FBXL14: variants seen among roughly 807,000 people sequenced by gnomAD.
FBXL14 encodes the protein F-box and leucine rich repeat protein 14.
FBXL14 carries 11 observed loss-of-function variants against 24.5 expected under a neutral mutation model. The ratio of observed to expected loss-of-function variants is 0.45; its 90% CI spans 0.28 to 0.74. The LOEUF (loss-of-function observed/expected upper bound fraction) is 0.74. FBXL14 is among the 30% of genes least tolerant of loss of function. FBXL14 has a pLI of 0.12. For synonymous variants in FBXL14, 294 were observed against 240.4 expected (o/e 1.22, Z -2.06); for missense variants, 384 against 545.6 (o/e 0.70, Z 2.95).
At position 1,594,333 on chromosome 12, in the gene FBXL14, G is replaced by T. The variant is rs1162653216; in HGVS notation, c.-267C>A. Among the ~76,000 whole-genome samples the T allele has an allele frequency of 6.9e-6, 1 of 145,802 alleles. No individual in the cohort carries two copies. Among genetic ancestry groups the T allele is most frequent in the Non-Finnish European group, 1.5e-5 (1 of 65,562 alleles). ...GCTCCGCACGGCGCTCACATCCCGG[G>T]CGGGGAAGGCGCCTCGCTCTCGCTC... On this transcript the variant is annotated 5_prime_UTR_variant, in exon 1 of 2. Transcript: ENST00000339235.
chr12:1,585,809 G>A (rs935790865), intron 1 of FBXL14, among the ~76,000 whole-genome samples: 3 of 152,170 alleles, frequency 2.0e-5, no homozygotes, highest in Admixed American at 6.5e-5. Context: ...AAGCCTTTTT[G>A]CCCTTGAATG....
At chr12:1,584,959 C>G (rs982753189) in intron 1 of FBXL14, among the ~76,000 whole-genome samples, 1 of 152,166 alleles carries the variant, frequency 6.6e-6, no homozygotes, top group Non-Finnish European at 1.5e-5. Flanking sequence ...TTAACTGTTA[C>G]AATTTCTCCC....
At chr12:1,586,028 G>A (rs895148498) in intron 1 of FBXL14, among the ~76,000 whole-genome samples, 17 of 152,210 alleles carry the variant, frequency 1.1e-4, no homozygotes, top group African/African-American at 4.1e-4. Flanking sequence ...ACAGGCAACA[G>A]ATTTGACAGT....
At chr12:1,572,513 T>C (rs2094447066) in intron 1 of FBXL14, among the ~76,000 whole-genome samples, 1 of 152,204 alleles carries the variant, frequency 6.6e-6, no homozygotes, top group African/African-American at 2.4e-5. Context: ...TCTGAGTCCA[T>C]ATGCTAGTAG....
At chr12:1,577,040 A>G (rs1258314923) in intron 1 of FBXL14, among the ~76,000 whole-genome samples, 1 of 152,210 alleles carries the variant, frequency 6.6e-6, no homozygotes, top group Non-Finnish European at 1.5e-5. Flanking sequence ...AAAGCCAGCC[A>G]CAGGCTTTAT....
intron 1 of FBXL14, among the ~76,000 whole-genome samples, chr12:1,580,231 T>C (rs1240429194): frequency 6.6e-6 from 1 of 152,180 alleles, no homozygotes; most frequent in Non-Finnish European, 1.5e-5. Flanking sequence ...AATCTTGCGG[T>C]GTATGGACAC....
Position 1,593,304 on chromosome 12 carries a change from G to A in FBXL14, c.763C>T (p.Leu255=), listed in dbSNP as rs34042069. Reference sequence around the variant, plus strand: ...CAGGAGCGCAGGTTGAGGCTGCGCAGGCTGCCCATGTGCGACAGGTGCAGG... The same window carrying A: ...CAGGAGCGCAGGTTGAGGCTGCGCAAGCTGCCCATGTGCGACAGGTGCAGG... The part of the protein sequence containing the change: ...GLLHLSHMGS[L]RSLNLRSCDN... Residue 255 remains leucine (L), a synonymous_variant, in exon 1 of 2, where the codon CTG becomes TTG. Coordinates refer to ENST00000339235, the MANE Select transcript of FBXL14 (RefSeq NM_152441.3). The surrounding 1 kb of genome is among the most constrained non-coding windows in gnomAD (Gnocchi z 7.4). 7.3e-3 allele frequency: 11,700 copies of A among 1,613,370 alleles called. 55 individuals carry two copies. Among genetic ancestry groups the A allele is most frequent in the Non-Finnish European group, 9.1e-3 (10,738 of 1,180,046 alleles).
At chr12:1,570,773 T>C (rs1347907042) in intron 1 of FBXL14, among the ~76,000 whole-genome samples, 1 of 152,182 alleles carries the variant, frequency 6.6e-6, no homozygotes, top group Admixed American at 6.5e-5. Flanking sequence ...AATGAATCTT[T>C]GATGACGTGA....
chr12:1,577,430 A>T (rs112540406), intron 1 of FBXL14, among the ~76,000 whole-genome samples: 2 of 126,680 alleles, frequency 1.6e-5, no homozygotes, highest in African/African-American at 3.0e-5. Context: ...AAGGATTTAA[A>T]AAAAAAAAAG....
chr12:1,566,469 T>C lies in FBXL14; in HGVS notation c.*279A>G, dbSNP rs1365488534. 3 of 353,708 alleles carry C rather than the reference T, an allele frequency of 8.5e-6. No individual in the cohort carries two copies. The highest frequency in any genetic ancestry group is 1.5e-5 in the Non-Finnish European group (3 of 197,062). 21.9% of individuals were successfully genotyped at this position (353,708 alleles called of 1,614,324 possible). A position where few individuals can be genotyped will look rare whatever the true frequency, so the allele number is the denominator to read the frequency against. ...AAGAAGCTTGCAAATTGCAATTCCA[T>C]CCTAGCAAGTAAAAAGCTGAACAGA... is the stretch of plus-strand genomic sequence containing the variant. On this transcript the variant is annotated 3_prime_UTR_variant, in exon 2 of 2. Coordinates refer to ENST00000339235, the MANE Select transcript of FBXL14 (RefSeq NM_152441.3).
Position 1,593,289 on chromosome 12 carries a change from G to C in FBXL14, c.778C>G (p.Leu260Val). ...TCACTGATGTTGTCACAGGAGCGCA[G>C]GTTGAGGCTGCGCAGGCTGCCCATG... ...SHMGSLRSLNLRSCDNISDTG... is the reference protein window; with the variant it reads ...SHMGSLRSLNVRSCDNISDTG... The change falls in exon 1 of 2, where the codon CTG (leucine) becomes GTG (valine). Residue 260 changes from leucine to valine, a missense_variant. By Grantham distance (32) the Leu-to-Val change is conservative. Transcript: ENST00000339235. This position sits in a 1 kb window ranked among gnomAD's most constrained non-coding sequence, Gnocchi z 7.4. 6.2e-7 allele frequency: 1 copy of C among 1,613,120 alleles called. No individual in the cohort carries two copies. Among genetic ancestry groups the C allele is most frequent in the Admixed American group, 1.7e-5 (1 of 60,028 alleles).
At chr12:1,583,383 G>GA (rs60015261) in intron 1 of FBXL14, among the ~76,000 whole-genome samples, 11,232 of 136,824 alleles carry the variant, frequency 0.082, 774 homozygotes, top group African/African-American at 0.19. Context: ...AGTTTAAAGA[G>GA]AAAAAAAAAA....
Position 1,572,555 on chromosome 12 carries a change from G to C in FBXL14, c.1195-5745C>G, listed in dbSNP as rs148707095. 4.0e-3 allele frequency among the ~76,000 whole-genome samples: 603 copies of C among 152,318 alleles called. 3 individuals are homozygous for C. The highest frequency in any genetic ancestry group is 0.014 in the African/African-American group (562 of 41,562). On this transcript the variant is annotated intron_variant, in intron 1 of 1. Transcript: ENST00000339235. ...GTCCAGGGGGCCCGCCCCATTCCCAGAGAGGCCGTGGTCTATCATTGGAGA... is the reference window on the plus strand; with the variant it reads ...GTCCAGGGGGCCCGCCCCATTCCCACAGAGGCCGTGGTCTATCATTGGAGA...
At chr12:1,573,303 G>A (rs547477860) in intron 1 of FBXL14, among the ~76,000 whole-genome samples, 10 of 152,194 alleles carry the variant, frequency 6.6e-5, no homozygotes, top group Non-Finnish European at 7.4e-5. Context: ...TTTGGGTTAC[G>A]TTAGTATCTG....
rs984353065 is a variant in FBXL14 at position 1,579,508 on chromosome 12, C to T, written c.1195-12698G>A. ...GCGCACACCTGTAATCCCAGCTACT[C>T]GAGAGGCTGAGGTGGGAGAATCGCT... On this transcript the variant is annotated intron_variant, in intron 1 of 1. Coordinates refer to ENST00000339235, the MANE Select transcript of FBXL14 (RefSeq NM_152441.3). This position sits in a 1 kb window ranked among gnomAD's most constrained non-coding sequence, Gnocchi z 4.3. 6.6e-5 allele frequency among the ~76,000 whole-genome samples: 10 copies of T among 150,582 alleles called. No individual in the cohort carries two copies. The highest frequency in any genetic ancestry group is 1.2e-4 in the Non-Finnish European group (8 of 67,824).
In FBXL14 at chr12:1,592,991, G is replaced by C; in HGVS notation, c.1076C>G (p.Thr359Ser). 6.2e-7 allele frequency: 1 copy of C among 1,612,938 alleles called. No homozygotes were observed. The highest frequency in any genetic ancestry group is 1.3e-5 in the African/African-American group (1 of 75,056). ...GGTGCAGCCGTACAGGTCTATGCCG[G>C]TGAGTTGGCTCAGGTGCTCAGCGAT... is the stretch of plus-strand genomic sequence containing the variant. ...ELIAEHLSQLTGIDLYGCTRI... is the reference protein window; with the variant it reads ...ELIAEHLSQLSGIDLYGCTRI... The change falls in exon 1 of 2, where the codon ACC (threonine) becomes AGC (serine). Residue 359 changes from threonine to serine, a missense_variant. Thr to Ser is a moderately conservative substitution (Grantham distance 58). Transcript: ENST00000339235.
At chr12:1,590,158 G>T (rs1245975278) in intron 1 of FBXL14, among the ~76,000 whole-genome samples, 1 of 150,806 alleles carries the variant, frequency 6.6e-6, no homozygotes. Flanking sequence ...TTTTTTTCCA[G>T]GCATTAAGCA....
chr12:1,571,496 C>T (rs1338510268), intron 1 of FBXL14, among the ~76,000 whole-genome samples: 1 of 152,246 alleles, frequency 6.6e-6, no homozygotes, highest in African/African-American at 2.4e-5. Flanking sequence ...GAGTGAGCCA[C>T]CGCGCCCAGC....
intron 1 of FBXL14, among the ~76,000 whole-genome samples, chr12:1,584,168 G>A (rs1420121989): frequency 6.6e-6 from 1 of 152,040 alleles, no homozygotes; most frequent in Non-Finnish European, 1.5e-5. Context: ...AGCATAGCGA[G>A]ACCCTGTCTC....
Sources: allele counts gnomAD v4.1 joint callset (sites outside exome capture counted in the v4.1 genomes callset), GRCh38; gene constraint gnomAD v4.1.1; non-coding constraint Gnocchi (gnomAD v3.1); transcripts MANE v1.5; gene names NCBI Gene and HGNC (gene_info 2026-07-23, HGNC 2026-07-21).